GRB14: variants seen among roughly 807,000 people sequenced by gnomAD.
GRB14 encodes the protein growth factor receptor-bound protein 14.
Under a neutral mutation model 69.1 loss-of-function variants are expected in GRB14, and 38 were observed. The ratio of observed to expected loss-of-function variants is 0.55; its 90% CI spans 0.42 to 0.72. The LOEUF (loss-of-function observed/expected upper bound fraction) is 0.72, where lower values mean the gene tolerates loss of function less well. Among genes scored for constraint, GRB14 ranks in the 30% least tolerant of loss-of-function variants. GRB14 has a pLI of 0.00. For synonymous variants in GRB14, 247 were observed against 241.3 expected, an observed-to-expected ratio of 1.02 and a Z score of -0.22; for missense variants, 666 against 666.1, an observed-to-expected ratio of 1.00 and a Z score of 0.00.
At chr2:164,558,943 A>G (rs1476973030) in intron 2 of GRB14, among the ~76,000 whole-genome samples, 1 of 152,180 alleles carries the variant, frequency 6.6e-6, no homozygotes, top group African/African-American at 2.4e-5. Flanking sequence ...CCTTTTAGGA[A>G]CTACCTTATT....
intron 2 of GRB14, among the ~76,000 whole-genome samples, chr2:164,561,824 C>T (rs1340144909): frequency 6.6e-6 from 1 of 152,118 alleles, no homozygotes; most frequent in East Asian, 1.9e-4. Flanking sequence ...GTTGTAGCTG[C>T]TATTTTTTAT....
Position 164,497,247 on chromosome 2 carries a change from G to A in GRB14, c.1258C>T (p.Pro420Ser). The change falls in exon 11 of 14, where the codon CCC becomes TCC. Residue 420 changes from proline (P) to serine (S), a missense_variant. Coordinates refer to ENST00000263915, the MANE Select transcript of GRB14 (RefSeq NM_004490.3). Reference sequence around the variant, plus strand: ...GCAGAGCTCTGTGAAGAGGCAGTGGGGCTACCGTGAGTGCCCAGGCGTAAA... The same window carrying A: ...GCAGAGCTCTGTGAAGAGGCAGTGGAGCTACCGTGAGTGCCCAGGCGTAAA... The part of the protein sequence containing the change: ...GCLRLGTHGS[P>S]TASSQSSATN... 3.7e-6 allele frequency: 6 copies of A among 1,613,822 alleles called. No individual in the cohort carries two copies. The highest frequency in any genetic ancestry group is 5.1e-6 in the Non-Finnish European group (6 of 1,179,846).
chr2:164,614,588 G>A (rs1690242039), intron 2 of GRB14, among the ~76,000 whole-genome samples: 3 of 152,088 alleles, frequency 2.0e-5, no homozygotes, highest in Non-Finnish European at 4.4e-5. Flanking sequence ...TGCAATGATG[G>A]GGTGTCCAGG....
intron 2 of GRB14, among the ~76,000 whole-genome samples, chr2:164,549,057 T>C (rs1688459336): frequency 6.6e-6 from 1 of 151,812 alleles, no homozygotes; most frequent in African/African-American, 2.4e-5. Context: ...TTGTATTTTT[T>C]TTTAGTAGAG....
intron 2 of GRB14, among the ~76,000 whole-genome samples, chr2:164,553,236 A>C (rs1688590975): frequency 6.6e-6 from 1 of 152,204 alleles, no homozygotes. Context: ...CAAGAGGTAA[A>C]GTTGGATAAA....
At chr2:164,536,189 T>C (rs934637588) in intron 3 of GRB14, among the ~76,000 whole-genome samples, 1 of 152,228 alleles carries the variant, frequency 6.6e-6, no homozygotes, top group Non-Finnish European at 1.5e-5. Flanking sequence ...TATGACTTAG[T>C]TCCAAACACA....
At chr2:164,509,809 A>C (rs1687292340) in intron 6 of GRB14, among the ~76,000 whole-genome samples, 3 of 151,490 alleles carry the variant, frequency 2.0e-5, no homozygotes, top group African/African-American at 2.4e-5. Flanking sequence ...AAAAAAAAAA[A>C]AAAACACCCC....
intron 2 of GRB14, among the ~76,000 whole-genome samples, chr2:164,597,403 G>C (rs2105349840): frequency 6.6e-6 from 1 of 151,608 alleles, no homozygotes; most frequent in South Asian, 2.1e-4. Flanking sequence ...TATGTGATAG[G>C]GATTATAAAG....
At chr2:164,580,980 T>C (rs1416221804) in intron 2 of GRB14, among the ~76,000 whole-genome samples, 1 of 152,200 alleles carries the variant, frequency 6.6e-6, no homozygotes, top group Non-Finnish European at 1.5e-5. Context: ...AAACATGCTC[T>C]AGTTGTTAGG....
chr2:164,548,178 T>C (rs1482649541), intron 2 of GRB14, among the ~76,000 whole-genome samples: 3 of 152,188 alleles, frequency 2.0e-5, no homozygotes. Flanking sequence ...ACCACTGTCC[T>C]TGGTAACCAC....
At chr2:164,540,416 C>A (rs1409507315) in intron 3 of GRB14, among the ~76,000 whole-genome samples, 1 of 152,084 alleles carries the variant, frequency 6.6e-6, no homozygotes, top group East Asian at 1.9e-4. Context: ...CAAGACCAGC[C>A]TGGCCAAGAT....
At chr2:164,614,261 A>C (rs1021593269) in intron 2 of GRB14, among the ~76,000 whole-genome samples, 1 of 152,234 alleles carries the variant, frequency 6.6e-6, no homozygotes, top group Non-Finnish European at 1.5e-5. Flanking sequence ...TATTGTTTCT[A>C]TCATTCTTTC....
In GRB14 at chr2:164,563,887, G is replaced by C. The variant is rs138283646; in HGVS notation, c.325-16071C>G. Among the ~76,000 whole-genome samples the C allele has an allele frequency of 1.9e-4, 29 of 152,164 alleles. 1 individual carries two copies. The East Asian group carries it at 5.6e-3, about 29-fold the overall frequency. ...TTTTGGAAACCAAATGGTGGTCCAA[G>C]ATATACAAAAATAAACAAGATAGAG... On this transcript the variant is annotated intron_variant, in intron 2 of 13. Coordinates refer to ENST00000263915, the MANE Select transcript of GRB14 (RefSeq NM_004490.3).
chr2:164,511,977 A>C (rs1687351456), intron 6 of GRB14, among the ~76,000 whole-genome samples: 1 of 152,064 alleles, frequency 6.6e-6, no homozygotes, highest in South Asian at 2.1e-4. Flanking sequence ...GCCTTAGATG[A>C]ACATCAGCAG....
chr2:164,598,314 A>C (rs1411172196), intron 2 of GRB14, among the ~76,000 whole-genome samples: 1 of 152,224 alleles, frequency 6.6e-6, no homozygotes, highest in South Asian at 2.1e-4. Context: ...ATTAAATTGA[A>C]TTTTGAATAG....
At chr2:164,514,349 G>A (rs1474053076) in intron 6 of GRB14, among the ~76,000 whole-genome samples, 1 of 152,078 alleles carries the variant, frequency 6.6e-6, no homozygotes, top group African/African-American at 2.4e-5. Flanking sequence ...GCTGCTTCAG[G>A]GCCCCCAGAA....
intron 2 of GRB14, among the ~76,000 whole-genome samples, chr2:164,571,109 G>C (rs1689113013): frequency 6.6e-6 from 1 of 152,150 alleles, no homozygotes; most frequent in Admixed American, 6.5e-5. Flanking sequence ...GTAATCCTTT[G>C]CAGGTGCTCA....
chr2:164,494,443 A>G lies in GRB14; in HGVS notation c.1464T>C (p.Phe488=). ...ACGAATTACTTACTGGTATAATTTG[A>G]AAGTGCTTTATTTTTTGTCCATGAC... ...SMSHGQKIKH[F]QIIPVEDDGE... Residue 488 remains phenylalanine (F), a synonymous_variant, in exon 13 of 14, where the codon TTT becomes TTC. Coordinates refer to ENST00000263915, the MANE Select transcript of GRB14 (RefSeq NM_004490.3). 2 of 1,570,772 alleles carry G rather than the reference A, an allele frequency of 1.3e-6. No individual in the cohort carries two copies. Among genetic ancestry groups the G allele is most frequent in the Non-Finnish European group, 1.8e-6 (2 of 1,140,880 alleles).
At chr2:164,510,371 G>T (rs1456544923) in intron 6 of GRB14, among the ~76,000 whole-genome samples, 1 of 152,208 alleles carries the variant, frequency 6.6e-6, no homozygotes, top group Non-Finnish European at 1.5e-5. Flanking sequence ...ATCTAAGTAT[G>T]TGTACATTTG....
Sources: allele counts gnomAD v4.1 joint callset (sites outside exome capture counted in the v4.1 genomes callset), GRCh38; gene constraint gnomAD v4.1.1; transcripts MANE v1.5; gene names NCBI Gene and HGNC (gene_info 2026-07-23, HGNC 2026-07-21).